PBX3: variants seen among roughly 807,000 people sequenced by gnomAD.
The protein encoded by PBX3 is PBX homeobox 3, also known as pre-B-cell leukemia transcription factor 3.
Under a neutral mutation model 48.5 loss-of-function variants are expected in PBX3, and 14 were observed. The observed-to-expected ratio is 0.29, with a 90% CI of 0.19 to 0.45. PBX3 has a LOEUF of 0.45. Ranked by LOEUF, PBX3 falls within the 20% of genes least tolerant of loss-of-function variation. PBX3 has a pLI of 1.00. For synonymous variants in PBX3, 210 were observed against 200.3 expected (o/e 1.05, Z -0.41); for missense variants, 386 against 546.7 (o/e 0.71, Z 2.93).
At chr9:125,962,236 G>A (rs772308371) in intron 7 of PBX3, 22 bp downstream of exon 7, 3 of 1,367,314 alleles carry the variant, frequency 2.2e-6, no homozygotes, top group South Asian at 2.3e-5. Flanking sequence ...GCCCCAGTGG[G>A]GCCTTTCTAG....
chr9:125,946,585 G>A (rs749189689), intron 5 of PBX3, among the ~76,000 whole-genome samples: 1 of 152,144 alleles, frequency 6.6e-6, no homozygotes, highest in Non-Finnish European at 1.5e-5. Flanking sequence ...AGAACCCAGT[G>A]GATTGGGTTA....
intron 2 of PBX3, among the ~76,000 whole-genome samples, chr9:125,893,812 G>T (rs574855005): frequency 6.6e-6 from 1 of 152,204 alleles, no homozygotes; most frequent in East Asian, 1.9e-4. Flanking sequence ...GGAATCCAGT[G>T]TATCTGTATT....
chr9:125,867,409 A>C (rs1423838617), intron 2 of PBX3, among the ~76,000 whole-genome samples: 1 of 152,098 alleles, frequency 6.6e-6, no homozygotes, highest in Non-Finnish European at 1.5e-5. Flanking sequence ...TGGGAGGCCA[A>C]GGCGGGTGGA....
At chr9:125,818,134 G>C (rs1383515893) in intron 2 of PBX3, among the ~76,000 whole-genome samples, 3 of 151,608 alleles carry the variant, frequency 2.0e-5, no homozygotes, top group Non-Finnish European at 4.4e-5. Flanking sequence ...GGGAGGCGGA[G>C]GTTGCAGTGA....
chr9:125,812,560 CA>C (rs1588171942), intron 2 of PBX3, among the ~76,000 whole-genome samples: 1 of 152,202 alleles, frequency 6.6e-6, no homozygotes, highest in Non-Finnish European at 1.5e-5. Context: ...TTGATCAATA[CA>C]GGGACCTGAG....
intron 5 of PBX3, among the ~76,000 whole-genome samples, chr9:125,959,426 G>A (rs1336143468): frequency 6.6e-6 from 1 of 152,252 alleles, no homozygotes; most frequent in African/African-American, 2.4e-5. Context: ...CCCCAGGATG[G>A]ACAGCATATG....
At chr9:125,787,845 A>G (rs1837498359) in intron 2 of PBX3, among the ~76,000 whole-genome samples, 1 of 152,224 alleles carries the variant, frequency 6.6e-6, no homozygotes, top group Non-Finnish European at 1.5e-5. Flanking sequence ...TTCAGAAATG[A>G]AGCACTTCTA....
intron 2 of PBX3, among the ~76,000 whole-genome samples, chr9:125,810,903 G>A (rs998007604): frequency 2.6e-5 from 4 of 152,160 alleles, no homozygotes; most frequent in Non-Finnish European, 4.4e-5. Context: ...CCCAAGATGC[G>A]AGGTGTGGTA....
At position 125,747,540 on chromosome 9, in the gene PBX3, TC is replaced by T. The variant is rs1394784304; in HGVS notation, c.92del (p.Pro31ArgfsTer24). 1.2e-6 allele frequency: 2 copies of T among 1,602,920 alleles called. No homozygotes were observed. The highest frequency in any genetic ancestry group is 1.7e-6 in the Non-Finnish European group (2 of 1,175,244). ...SVQGGMALPP[P>X]PHGHEGADGD... ...TGCAGGGGGGCATGGCCCTGCCGCC[TC>T]CCCCGCACGGCCACGAAGGGGCGGA... is the stretch of plus-strand genomic sequence containing the variant. On this transcript the variant is annotated frameshift_variant, in exon 1 of 9. Transcript: ENST00000373489. LOFTEE classifies it high-confidence loss of function.
chr9:125,780,970 G>A (rs1837284356), intron 2 of PBX3, among the ~76,000 whole-genome samples: 1 of 114,466 alleles, frequency 8.7e-6, no homozygotes, highest in Non-Finnish European at 1.8e-5. Context: ...GTTGCGGCCG[G>A]GCAGAGGCGC....
At chr9:125,780,072 C>G (rs1315024500) in intron 2 of PBX3, among the ~76,000 whole-genome samples, 1 of 133,210 alleles carries the variant, frequency 7.5e-6, no homozygotes, top group African/African-American at 2.8e-5. Context: ...GGCTGACCCC[C>G]CCACCTCCCT....
chr9:125,799,681 T>A (rs1260977538), intron 2 of PBX3, among the ~76,000 whole-genome samples: 1 of 152,208 alleles, frequency 6.6e-6, no homozygotes, highest in Admixed American at 6.5e-5. Context: ...CATGAAGACA[T>A]GTAGAGCAGA....
intron 2 of PBX3, among the ~76,000 whole-genome samples, chr9:125,905,537 T>C (rs931165222): frequency 6.6e-6 from 1 of 152,000 alleles, no homozygotes; most frequent in Non-Finnish European, 1.5e-5. Context: ...AAAATGTCTT[T>C]GGATTTTTTT....
chr9:125,834,851 A>G (rs1258090378), intron 2 of PBX3, among the ~76,000 whole-genome samples: 7 of 150,310 alleles, frequency 4.7e-5, no homozygotes, highest in Non-Finnish European at 5.9e-5. Flanking sequence ...CCCCGTCTCT[A>G]CCAAAAATAC....
intron 2 of PBX3, among the ~76,000 whole-genome samples, chr9:125,913,332 T>C (rs1204172443): frequency 1.3e-5 from 2 of 152,124 alleles, no homozygotes; most frequent in Admixed American, 1.3e-4. Flanking sequence ...TTACTGATAA[T>C]TTTAGAAATA....
At chr9:125,957,017 A>T (rs774795744) in intron 5 of PBX3, among the ~76,000 whole-genome samples, 14 of 152,112 alleles carry the variant, frequency 9.2e-5, no homozygotes, top group Non-Finnish European at 1.6e-4. Context: ...TGTTTTTAAA[A>T]GGTGAAAAAA....
chr9:125,814,674 G>A (rs927161362), intron 2 of PBX3, among the ~76,000 whole-genome samples: 7 of 152,162 alleles, frequency 4.6e-5, no homozygotes, highest in African/African-American at 1.7e-4. Context: ...GATCAATTTA[G>A]CCTCAAAGAC....
rs1346019664 is a variant in PBX3 at position 125,790,755 on chromosome 9, T to TG, written c.274+42136dup. 2.0e-5 allele frequency among the ~76,000 whole-genome samples: 3 copies of TG among 151,924 alleles called. No individual in the cohort carries two copies. In the East Asian group the frequency reaches 5.8e-4, roughly 29 times the overall value. On this transcript the variant is annotated intron_variant, in intron 2 of 8. Coordinates refer to ENST00000373489, the MANE Select transcript of PBX3 (RefSeq NM_006195.6). Reference sequence around the variant, plus strand: ...GGCTAATTTTTATTTTTTGTAGAGATGGGGTCTTACTATGTTGCCCGGACT... The same window carrying TG: ...GGCTAATTTTTATTTTTTGTAGAGATGGGGGTCTTACTATGTTGCCCGGACT...
intron 2 of PBX3, among the ~76,000 whole-genome samples, chr9:125,909,427 C>T (rs10987022): frequency 0.06 from 9,058 of 152,224 alleles, 626 homozygotes; most frequent in East Asian, 0.17. Flanking sequence ...AATAAATGAA[C>T]TACTGGGTAA....
Sources: gnomAD v4.1 joint callset for allele counts (sites outside exome capture counted in the v4.1 genomes callset) on GRCh38, gnomAD v4.1.1 for gene constraint, MANE v1.5 for transcripts, NCBI Gene and HGNC (gene_info 2026-07-23, HGNC 2026-07-21) for gene names.